The following TTC4 variants were observed in gnomAD, a reference collection of about 807,000 sequenced individuals.
TTC4 encodes the protein tetratricopeptide repeat domain 4, also known as hsp70/Hsp90 co-chaperone CNS1 homolog.
In TTC4, 36 loss-of-function variants were observed where a neutral mutation model predicts 51.9. That is an observed-to-expected ratio of 0.69 (90% CI 0.53 to 0.92). The LOEUF is 0.92. Among genes scored for constraint, TTC4 ranks in the 40% least tolerant of loss-of-function variants. TTC4 has a pLI of 0.00. For synonymous variants in TTC4, 144 were observed against 164.2 expected, an observed-to-expected ratio of 0.88 and a Z score of 0.94; for missense variants, 399 against 454.6, an observed-to-expected ratio of 0.88 and a Z score of 1.11.
At chr1:54,727,176 A>G (rs1222830283) in intron 5 of TTC4, among the ~76,000 whole-genome samples, 1 of 152,218 alleles carries the variant, frequency 6.6e-6, no homozygotes, top group Admixed American at 6.5e-5. Flanking sequence ...GGTCAATGTA[A>G]TAAAATTTAG....
Position 54,741,571 on chromosome 1 carries a change from C to A in TTC4, c.*58C>A. 7.3e-7 allele frequency: 1 copy of A among 1,363,814 alleles called. No individual in the cohort carries two copies. The highest frequency in any genetic ancestry group is 2.3e-5 in the East Asian group (1 of 43,708). The allele number at this position is 1,363,814 out of a possible 1,614,324, so 84.5% of individuals were successfully genotyped here. A position where few individuals can be genotyped will look rare whatever the true frequency, so the allele number is the denominator to read the frequency against. On this transcript the variant is annotated 3_prime_UTR_variant, in exon 10 of 10. Transcript: ENST00000371281. The stretch of plus-strand genomic sequence containing the variant: ...CCTCCTCTGCTGGGAACCTAGCACA[C>A]CTGAATCAGCTGGACATACTGCTGG...
intron 6 of TTC4, among the ~76,000 whole-genome samples, chr1:54,730,571 T>C (rs918907846): frequency 3.9e-5 from 6 of 152,192 alleles, no homozygotes; most frequent in African/African-American, 1.4e-4. Context: ...AGAAAAAGTT[T>C]GCTAACCTCC....
intron 7 of TTC4, among the ~76,000 whole-genome samples, chr1:54,733,427 A>AT (rs1557750937): frequency 2.8e-4 from 40 of 144,402 alleles, no homozygotes; most frequent in East Asian, 1.4e-3. Flanking sequence ...TCAAAAAAAA[A>AT]AAATAAAATA....
Position 54,742,508 on chromosome 1 carries a change from G to C in TTC4, c.*995G>C, listed in dbSNP as rs1174314587. 6.6e-6 allele frequency: 1 copy of C among 152,408 alleles called. No individual in the cohort carries two copies. Among genetic ancestry groups the C allele is most frequent in the African/African-American group, 2.4e-5 (1 of 41,602 alleles). 9.4% of individuals were successfully genotyped at this position (152,408 alleles called of 1,614,324 possible). On this transcript the variant is annotated 3_prime_UTR_variant, in exon 10 of 10. Transcript: ENST00000371281. ...TCCCACAGAGGAGCCGTTCCATGGA[G>C]CCGAGCTACAGCAGCTGGCCTGCAG... is the stretch of plus-strand genomic sequence containing the variant.
At chr1:54,736,175 G>GGAGAGCGAGAGA (rs1645931020) in intron 8 of TTC4, among the ~76,000 whole-genome samples, 1 of 100,664 alleles carries the variant, frequency 9.9e-6, no homozygotes, top group African/African-American at 4.5e-5. Flanking sequence ...AAGAAAGAAA[G>GGAGAGCGAGAGA]GAGAGAGAGA....
At chr1:54,740,019 C>G (rs1645992754) in intron 9 of TTC4, among the ~76,000 whole-genome samples, 1 of 152,144 alleles carries the variant, frequency 6.6e-6, no homozygotes, top group Non-Finnish European at 1.5e-5. Context: ...GATCCCGTCT[C>G]TATAGAAATC....
intron 2 of TTC4, 95 bp from the exon 3 acceptor site, chr1:54,717,397 G>T: frequency 8.8e-7 from 1 of 1,132,954 alleles, no homozygotes; most frequent in South Asian, 3.5e-5. Flanking sequence ...TCGCTTTGGT[G>T]TGTCATATAG....
rs367955168 is a variant in TTC4 at position 54,716,593 on chromosome 1, T to C, written c.112-7T>C. On this transcript the variant is annotated splice_region_variant and splice_polypyrimidine_tract_variant and intron_variant, in intron 1 of 9. Coordinates refer to ENST00000371281, the MANE Select transcript of TTC4 (RefSeq NM_004623.5). ...TATTCATGTAGTTCATTCTTAACCA[T>C]TTACAGGAATTTGAAAAGGTCCCCC... The C allele has an allele frequency of 4.9e-5, 79 of 1,602,684 alleles. No homozygotes were observed. Among genetic ancestry groups the C allele is most frequent in the Non-Finnish European group, 6.4e-5 (75 of 1,172,322 alleles).
At chr1:54,729,610 G>T (rs1645840936) in intron 6 of TTC4, among the ~76,000 whole-genome samples, 1 of 152,098 alleles carries the variant, frequency 6.6e-6, no homozygotes, top group Admixed American at 6.6e-5. Flanking sequence ...TCTGTATTTT[G>T]AAATATATAT....
intron 5 of TTC4, among the ~76,000 whole-genome samples, chr1:54,727,043 A>G (rs935985054): frequency 4.9e-4 from 71 of 145,204 alleles, no homozygotes; most frequent in African/African-American, 1.6e-3. Context: ...AATGACCAAC[A>G]ATCATGAAAG....
intron 9 of TTC4, among the ~76,000 whole-genome samples, chr1:54,741,192 A>G (rs1270539275): frequency 1.3e-5 from 2 of 152,252 alleles, no homozygotes; most frequent in Non-Finnish European, 2.9e-5. Context: ...ACAGACATGC[A>G]TGATGCCAGA....
intron 3 of TTC4, among the ~76,000 whole-genome samples, chr1:54,719,896 C>CTTTT (rs35056653): frequency 1.4e-4 from 19 of 135,760 alleles, no homozygotes; most frequent in African/African-American, 4.6e-4. Flanking sequence ...ATGTTCCATA[C>CTTTT]TTTTTTTTTT....
chr1:54,731,422 G>A lies in TTC4; in HGVS notation c.682-64G>A, dbSNP rs904406124. ...TATGGTTTCTTTATTTCAGTAAAAT[G>A]GGTTTGCATCCTCCCACACAATAAG... On this transcript the variant is annotated intron_variant, in intron 6 of 9. Transcript: ENST00000371281. The A allele has an allele frequency of 3.4e-6, 5 of 1,467,578 alleles. No homozygotes were observed. The African/African-American group carries it at 4.2e-5, about 12-fold the overall frequency. 90.9% of individuals were successfully genotyped at this position (1,467,578 alleles called of 1,614,324 possible). A position where few individuals can be genotyped will look rare whatever the true frequency, so the allele number is the denominator to read the frequency against.
chr1:54,729,863 G>A (rs1645844102), intron 6 of TTC4, among the ~76,000 whole-genome samples: 1 of 151,948 alleles, frequency 6.6e-6, no homozygotes, highest in Non-Finnish European at 1.5e-5. Flanking sequence ...TGGGACTACA[G>A]GTGCACACCA....
Position 54,715,871 on chromosome 1 carries a change from C to T in TTC4, c.-38C>T, listed in dbSNP as rs1209415580. ...CCGCCGGAAGGAGCCGCTCGCTTCA[C>T]GGCGCTGGGACCCGGGCTGGAAGGC... On this transcript the variant is annotated 5_prime_UTR_variant, in exon 1 of 10. In the 5' UTR this introduces an upstream ATG that the reference lacks. Transcript: ENST00000371281. 6 of 1,531,082 alleles carry T rather than the reference C, an allele frequency of 3.9e-6. No individual in the cohort carries two copies. Among genetic ancestry groups the T allele is most frequent in the Admixed American group, 3.7e-5 (2 of 53,442 alleles). 94.8% of individuals were successfully genotyped at this position (1,531,082 alleles called of 1,614,324 possible).
chr1:54,740,530 T>A (rs1645999121), intron 9 of TTC4, among the ~76,000 whole-genome samples: 2 of 152,182 alleles, frequency 1.3e-5, no homozygotes, highest in Admixed American at 6.5e-5. Flanking sequence ...AGGAGAAATC[T>A]AAATAGAAAG....
intron 9 of TTC4, 36 bp downstream of exon 9, chr1:54,737,700 G>T: frequency 6.3e-7 from 1 of 1,587,368 alleles, no homozygotes; most frequent in South Asian, 1.1e-5. Context: ...GATTGGGGAA[G>T]ATGCTCAGTG....
intron 9 of TTC4, among the ~76,000 whole-genome samples, chr1:54,740,196 A>G (rs1318026759): frequency 6.6e-6 from 1 of 152,158 alleles, no homozygotes; most frequent in Non-Finnish European, 1.5e-5. Flanking sequence ...AAAATTACAG[A>G]GTAATGTAAA....
At chr1:54,733,758 T>C (rs58555994) in intron 8 of TTC4, 48 bp downstream of exon 8, 2 of 1,055,006 alleles carry the variant, frequency 1.9e-6, no homozygotes, top group South Asian at 2.0e-5. Flanking sequence ...TTTTTTTTTT[T>C]TTTTTTTTTT....
Sources: gnomAD v4.1 joint callset for allele counts (sites outside exome capture counted in the v4.1 genomes callset) on GRCh38, gnomAD v4.1.1 for gene constraint, MANE v1.5 for transcripts, NCBI Gene and HGNC (gene_info 2026-07-23, HGNC 2026-07-21) for gene names.